Variants in EIF3B observed in about 807,000 individuals in gnomAD.
EIF3B encodes eukaryotic translation initiation factor 3 subunit 9.
A neutral mutation model predicts 104.6 loss-of-function variants in EIF3B; 10 were observed. The ratio of observed to expected loss-of-function variants is 0.10; its 90% confidence interval spans 0.06 to 0.16. EIF3B has a LOEUF of 0.16. Ranked by LOEUF, EIF3B falls within the 10% of genes least tolerant of loss-of-function variation. The probability of loss-of-function intolerance (pLI) is 1.00; values close to 1 mark genes in which losing one functional copy is unlikely to be tolerated. For synonymous variants in EIF3B, 542 were observed against 417.2 expected, an observed-to-expected ratio of 1.30 and a Z score of -3.65; for missense variants, 1,014 against 1,087.9, an observed-to-expected ratio of 0.93 and a Z score of 0.96.
upstream of EIF3B, among the ~76,000 whole-genome samples, chr7:2,354,608 G>A (rs1779277645): frequency 6.6e-6 from 1 of 152,328 alleles, no homozygotes; most frequent in East Asian, 1.9e-4. Flanking sequence ...ACCATCTGCT[G>A]CCACACATGG....
At chr7:2,355,579 G>A (rs925971809) in intron 1 of EIF3B, among the ~76,000 whole-genome samples, 159 bp downstream of exon 1, 1 of 152,184 alleles carries the variant, frequency 6.6e-6, no homozygotes, top group Non-Finnish European at 1.5e-5. Flanking sequence ...GTTCCCGAGT[G>A]CCCTGGAAGT....
intron 16 of EIF3B, 32 bp from the exon 17 acceptor site, chr7:2,379,099 TACC>T: frequency 1.3e-6 from 2 of 1,594,744 alleles, no homozygotes; most frequent in Non-Finnish European, 1.7e-6. Context: ...GCACTTGTCT[TACC>T]AGTTCTGTGC....
intron 2 of EIF3B, among the ~76,000 whole-genome samples, chr7:2,362,418 A>T (rs1330882782): frequency 3.3e-5 from 5 of 152,254 alleles, no homozygotes; most frequent in Non-Finnish European, 7.3e-5. Context: ...TATAATTATG[A>T]TAATGAAACT....
At chr7:2,358,385 G>C (rs1330253287) in intron 1 of EIF3B, among the ~76,000 whole-genome samples, 2 of 151,554 alleles carry the variant, frequency 1.3e-5, no homozygotes, top group African/African-American at 4.8e-5. Flanking sequence ...TGCTGGGTCA[G>C]TTTTCAATAT....
At chr7:2,367,549 A>G (rs971687228) in intron 9 of EIF3B, among the ~76,000 whole-genome samples, 10 of 152,144 alleles carry the variant, frequency 6.6e-5, no homozygotes, top group Admixed American at 5.9e-4. Flanking sequence ...GGCTCGCTGC[A>G]ACCTCCACCT....
In EIF3B at chr7:2,372,696, G is replaced by C; in HGVS notation, c.1711G>C (p.Glu571Gln). 1 of 1,614,112 alleles carries C rather than the reference G, an allele frequency of 6.2e-7. No homozygotes were observed. Among genetic ancestry groups the C allele is most frequent in the Non-Finnish European group, 8.5e-7 (1 of 1,179,964 alleles). ...MKETIIAFAW[E>Q]PNGSKFAVLH... ...AGAAACCATCATAGCCTTTGCCTGG[G>C]AACCAAATGGAAGTAAGTTTGCTGT... Residue 571 changes from glutamate to glutamine, a missense_variant, in exon 12 of 19, where the codon GAA becomes CAA. This residue lies in a region of EIF3B where 59 missense variants were observed against 118.8 expected (regional missense o/e 0.50). Coordinates refer to ENST00000360876, the MANE Select transcript of EIF3B (RefSeq NM_001037283.2).
chr7:2,370,476 T>C (rs1332115293), intron 10 of EIF3B, among the ~76,000 whole-genome samples: 2 of 151,896 alleles, frequency 1.3e-5, no homozygotes, highest in African/African-American at 2.4e-5. Flanking sequence ...CCAGACTGCG[T>C]CTCACAAAAA....
rs778165115 is a variant in EIF3B, at chr7:2,360,692, A to G, written c.500-18A>G. On this transcript the variant is annotated intron_variant, in intron 1 of 18. Transcript: ENST00000360876. ...TTTCTTGGTAAAAATGATCATTTGA[A>G]AAATCTCTCTTGTTCAGAATTACTG... is the stretch of plus-strand genomic sequence containing the variant. 3 of 1,560,400 alleles carry G rather than the reference A, an allele frequency of 1.9e-6. No homozygotes were observed. The highest frequency in any genetic ancestry group is 2.6e-6 in the Non-Finnish European group (3 of 1,146,774).
chr7:2,357,798 G>C (rs552664232), intron 1 of EIF3B, among the ~76,000 whole-genome samples: 3 of 152,154 alleles, frequency 2.0e-5, no homozygotes, highest in Non-Finnish European at 4.4e-5. Context: ...TCCTTCCTAC[G>C]TGTGGGCAGT....
At chr7:2,374,412 G>A (rs1780526216) in intron 12 of EIF3B, 116 bp from the exon 13 acceptor site, 1 of 884,408 alleles carries the variant, frequency 1.1e-6, no homozygotes, top group Non-Finnish European at 1.8e-6. Context: ...AGGTGGTCCA[G>A]CATTACCAGC....
intron 6 of EIF3B, among the ~76,000 whole-genome samples, chr7:2,365,415 T>C (rs1779952819): frequency 6.6e-6 from 1 of 152,188 alleles, no homozygotes; most frequent in Non-Finnish European, 1.5e-5. Flanking sequence ...GGGGCAGTTG[T>C]GGAAGGCAGT....
At chr7:2,366,275 CGT>C in intron 6 of EIF3B, 40 bp from the exon 7 acceptor site, 1 of 1,537,404 alleles carries the variant, frequency 6.5e-7, no homozygotes, top group Non-Finnish European at 8.7e-7. Context: ...GTGATCCTCT[CGT>C]GAGAGGAGGA....
rs1239400546 is a variant in EIF3B, at chr7:2,355,018, G to T, written c.97G>T (p.Gly33Trp). 8.4e-7 allele frequency: 1 copy of T among 1,183,782 alleles called. No homozygotes were observed. Among genetic ancestry groups the T allele is most frequent in the South Asian group, 4.1e-5 (1 of 24,298 alleles). 73.3% of individuals were successfully genotyped at this position (1,183,782 alleles called of 1,614,324 possible). The change falls in exon 1 of 19, where the codon GGG (glycine) becomes TGG (tryptophan). Residue 33 changes from glycine (G) to tryptophan (W), a missense_variant. By Grantham distance (184) the Gly-to-Trp change is radical. Coordinates refer to ENST00000360876, the MANE Select transcript of EIF3B (RefSeq NM_001037283.2). Reference sequence around the variant, plus strand: ...GGCCGCCGAGCCGCCGCCAGCCGAGGGGCTGCTGCGGCCCGCGGGGCCCGG... The same window carrying T: ...GGCCGCCGAGCCGCCGCCAGCCGAGTGGCTGCTGCGGCCCGCGGGGCCCGG... ...QPAAEPPPAE[G>W]LLRPAGPGAP...
chr7:2,362,738 G>A lies in EIF3B; in HGVS notation c.786G>A (p.Arg262=). ...AGCTTGACAAGCAGCACACATTCCGGGTCAACCTCTTTACGGATTTTGACA... is the reference window on the plus strand; with the variant it reads ...AGCTTGACAAGCAGCACACATTCCGAGTCAACCTCTTTACGGATTTTGACA... ...GYKLDKQHTF[R]VNLFTDFDKY... is the part of the protein sequence containing the mutation. The change falls in exon 3 of 19, where the codon CGG becomes CGA. Residue 262 remains arginine (R), a synonymous_variant. Transcript: ENST00000360876. The A allele has an allele frequency of 1.2e-6, 2 of 1,614,156 alleles. No individual in the cohort carries two copies. Among genetic ancestry groups the A allele is most frequent in the South Asian group, 1.1e-5 (1 of 91,088 alleles).
intron 11 of EIF3B, chr7:2,372,091 C>T (rs955616055): frequency 1.3e-5 from 6 of 471,882 alleles, no homozygotes; most frequent in Non-Finnish European, 2.3e-5. Context: ...CCGATAGTCC[C>T]AGCTGTTTGA....
At chr7:2,358,992 G>T (rs1779599183) in intron 1 of EIF3B, among the ~76,000 whole-genome samples, 1 of 151,916 alleles carries the variant, frequency 6.6e-6, no homozygotes, top group South Asian at 2.1e-4. Context: ...GCTGAGGCAG[G>T]AGGATTGCTA....
intron 12 of EIF3B, 56 bp from the exon 13 acceptor site, chr7:2,374,472 G>T (rs1433440769): frequency 2.9e-5 from 46 of 1,569,018 alleles, no homozygotes; most frequent in Non-Finnish European, 3.8e-5. Context: ...AGCCTTGGCT[G>T]CCCCGGCACT....
At chr7:2,363,269 A>G (rs1245846994) in intron 4 of EIF3B, 142 bp downstream of exon 4, 2 of 802,210 alleles carry the variant, frequency 2.5e-6, no homozygotes, top group African/African-American at 1.7e-5. Context: ...CCTGGGCAAC[A>G]AAGTGAGACC....
chr7:2,379,412 TG>T lies in EIF3B; in HGVS notation c.2362del (p.Asp788ThrfsTer43). 6.3e-7 allele frequency: 1 copy of T among 1,592,752 alleles called. No homozygotes were observed. The highest frequency in any genetic ancestry group is 1.1e-5 in the South Asian group (1 of 87,672). Reference protein sequence around the residue: ...ELRGGVDTDELDSNVDDWEEE... With the variant: ...ELRGGVDTDEXDSNVDDWEEE... ...CCCTCAGGGGTGGACACTGACGAGC[TG>T]GACAGCAACGTGGACGACTGGGAAG... On this transcript the variant is annotated frameshift_variant, in exon 18 of 19. Transcript: ENST00000360876. LOFTEE classifies it high-confidence loss of function.
Sources: gnomAD v4.1 joint callset for allele counts (sites outside exome capture counted in the v4.1 genomes callset) on GRCh38, gnomAD v4.1.1 for gene constraint, gnomAD v4.1.1 regional missense constraint, MANE v1.5 for transcripts, NCBI Gene and HGNC (gene_info 2026-07-23, HGNC 2026-07-21) for gene names.